The following MOSMO variants were observed in gnomAD, a reference collection of about 807,000 sequenced individuals.
The protein encoded by MOSMO is modulator of smoothened.
A neutral mutation model predicts 18.4 loss-of-function variants in MOSMO; 5 were observed. The observed-to-expected ratio is 0.27, with a 90% CI of 0.14 to 0.57. The LOEUF (loss-of-function observed/expected upper bound fraction) is 0.57, where lower values mean the gene tolerates loss of function less well. Ranked by LOEUF, MOSMO falls within the 20% of genes least tolerant of loss-of-function variation. MOSMO has a pLI of 0.92. For missense variants in MOSMO, 138 were observed against 211.8 expected (o/e 0.65, Z 2.16); for synonymous variants, 82 against 82.3 (o/e 1.00, Z 0.02).
At chr16:22,049,946 C>CATT (rs1369067640) in intron 1 of MOSMO, among the ~76,000 whole-genome samples, 2 of 152,142 alleles carry the variant, frequency 1.3e-5, no homozygotes, top group African/African-American at 4.8e-5. Flanking sequence ...ATTCCTGCAC[C>CATT]ATTACTACAC....
chr16:22,058,722 A>T (rs1900586673), intron 1 of MOSMO, among the ~76,000 whole-genome samples: 1 of 152,160 alleles, frequency 6.6e-6, no homozygotes, highest in Non-Finnish European at 1.5e-5. Context: ...ATGGAGGATA[A>T]GTTCGTTTTC....
chr16:22,072,096 C>T (rs770687774), intron 1 of MOSMO, among the ~76,000 whole-genome samples: 5 of 152,052 alleles, frequency 3.3e-5, no homozygotes, highest in Non-Finnish European at 5.9e-5. Flanking sequence ...AAAGTAAGTG[C>T]ATGGTTGTAT....
At chr16:22,016,394 T>A (rs1377948048) in intron 1 of MOSMO, among the ~76,000 whole-genome samples, 1 of 152,212 alleles carries the variant, frequency 6.6e-6, no homozygotes, top group Non-Finnish European at 1.5e-5. Context: ...GTTTCCCTTT[T>A]GTACTGTCTG....
chr16:22,049,691 C>T (rs1900384694), intron 1 of MOSMO, among the ~76,000 whole-genome samples: 1 of 151,908 alleles, frequency 6.6e-6, no homozygotes, highest in South Asian at 2.1e-4. Flanking sequence ...AAAAGTTTTC[C>T]CTATTCCTAA....
At chr16:22,014,551 G>C (rs1307804740) in intron 1 of MOSMO, among the ~76,000 whole-genome samples, 2 of 151,980 alleles carry the variant, frequency 1.3e-5, no homozygotes, top group Non-Finnish European at 2.9e-5. Flanking sequence ...ATCTCATAAG[G>C]GTTCAAGATC....
At chr16:22,092,619 C>T in the MOSMO span, 3 of 1,550,448 alleles carry the variant, frequency 1.9e-6, no homozygotes, top group Non-Finnish European at 2.6e-6. Context: ...GAGCCCTTCT[C>T]CCAAAGATGG....
At chr16:22,009,544 A>G (rs1417714754) in intron 1 of MOSMO, among the ~76,000 whole-genome samples, 1 of 152,074 alleles carries the variant, frequency 6.6e-6, no homozygotes, top group Non-Finnish European at 1.5e-5. Context: ...TAATTAATGT[A>G]AACAGCTGTC....
At chr16:22,085,245 G>C (rs1276552078), downstream of MOSMO, 1 of 152,160 alleles carries the variant, frequency 6.6e-6, no homozygotes, top group Non-Finnish European at 1.5e-5. Context: ...CTTTTGAGGA[G>C]CCTCCTGGGG....
intron 1 of MOSMO, among the ~76,000 whole-genome samples, chr16:22,021,027 C>T (rs776777066): frequency 1.3e-5 from 2 of 149,416 alleles, no homozygotes; most frequent in Non-Finnish European, 3.0e-5. Flanking sequence ...TGAGTGAATG[C>T]AAGTGCATAT....
intron 1 of MOSMO, among the ~76,000 whole-genome samples, chr16:22,060,239 A>C (rs1900615141): frequency 6.6e-6 from 1 of 152,222 alleles, no homozygotes; most frequent in South Asian, 2.1e-4. Context: ...GCCATTGCTA[A>C]GAAAATTTAA....
chr16:22,048,235 A>G (rs1293662790), intron 1 of MOSMO, among the ~76,000 whole-genome samples: 1 of 152,214 alleles, frequency 6.6e-6, no homozygotes, highest in Admixed American at 6.5e-5. Context: ...CTTTATCCGT[A>G]CATCTGTAAA....
chr16:22,065,937 C>T (rs901883773), intron 1 of MOSMO, among the ~76,000 whole-genome samples: 5 of 152,192 alleles, frequency 3.3e-5, no homozygotes, highest in African/African-American at 1.2e-4. Flanking sequence ...CTTTTCAGAA[C>T]TCTGGAAATT....
chr16:22,037,817 G>T (rs1900137220), intron 1 of MOSMO, among the ~76,000 whole-genome samples: 1 of 152,144 alleles, frequency 6.6e-6, no homozygotes, highest in Admixed American at 6.5e-5. Flanking sequence ...CCCTCTCCTG[G>T]CATACCACCC....
Position 22,075,727 on chromosome 16 carries a change from T to C in MOSMO, c.319+28T>C, listed in dbSNP as rs2141780572. On this transcript the variant is annotated intron_variant, in intron 2 of 2. Coordinates refer to ENST00000542527, the MANE Select transcript of MOSMO (RefSeq NM_001164579.2). Reference sequence around the variant, plus strand: ...AAGTAACCTGTGCTTACTAAATTTGTCTAGAAGGCACCCACCCACACTGGT... The same window carrying C: ...AAGTAACCTGTGCTTACTAAATTTGCCTAGAAGGCACCCACCCACACTGGT... 2.7e-6 allele frequency: 4 copies of C among 1,497,906 alleles called. No individual in the cohort carries two copies. In the East Asian group the frequency reaches 9.8e-5, roughly 37 times the overall value. The allele number at this position is 1,497,906 out of a possible 1,614,324, so 92.8% of individuals were successfully genotyped here.
rs1389333867 is a variant in MOSMO, at chr16:22,033,769, G to A, written c.106+25362G>A. Among the ~76,000 whole-genome samples, 15 of 151,860 alleles carry A rather than the reference G, an allele frequency of 9.9e-5. No individual in the cohort carries two copies. The South Asian group carries it at 1.2e-3, about 13-fold the overall frequency. On this transcript the variant is annotated intron_variant, in intron 1 of 2. Transcript: ENST00000542527. The stretch of plus-strand genomic sequence containing the variant: ...CAGGAGGCGGAGCTTGCAGTGAGCC[G>A]AGATGCACCACTGCAGTACAGCCTG...
rs1247285619 is a variant in MOSMO at position 22,008,208 on chromosome 16, G to T, written c.-94G>T. On this transcript the variant is annotated 5_prime_UTR_variant, in exon 1 of 3. Transcript: ENST00000542527. ...CCGAGGGGGCGCGAGGCAGCGGCGC[G>T]GGGACTCCGGGCCCCGGCGGCGGCC... 1.9e-6 allele frequency: 1 copy of T among 519,646 alleles called. No homozygotes were observed. The highest frequency in any genetic ancestry group is 2.8e-6 in the Non-Finnish European group (1 of 357,042). The allele number at this position is 519,646 out of a possible 1,614,324, so 32.2% of individuals were successfully genotyped here. A position where few individuals can be genotyped will look rare whatever the true frequency, so the allele number is the denominator to read the frequency against.
chr16:22,012,577 G>T (rs1454691725), intron 1 of MOSMO, among the ~76,000 whole-genome samples: 4 of 152,020 alleles, frequency 2.6e-5, no homozygotes, highest in Non-Finnish European at 5.9e-5. Context: ...TAGGAAATAA[G>T]GAAACATCAA....
At chr16:22,041,323 G>A (rs1004393166) in intron 1 of MOSMO, among the ~76,000 whole-genome samples, 5 of 152,134 alleles carry the variant, frequency 3.3e-5, no homozygotes, top group African/African-American at 1.2e-4. Context: ...TAGAGAGAGA[G>A]CAGAAAGATC....
chr16:22,073,763 G>GTGGTGTGTGGCA (rs1239170082), intron 1 of MOSMO, among the ~76,000 whole-genome samples: 1 of 151,424 alleles, frequency 6.6e-6, no homozygotes, highest in African/African-American at 2.4e-5. Context: ...CAAGTAGAAG[G>GTGGTGTGTGGCA]TGGTGTGTGG....
Sources: allele counts gnomAD v4.1 joint callset (sites outside exome capture counted in the v4.1 genomes callset), GRCh38; gene constraint gnomAD v4.1.1; transcripts MANE v1.5; gene names NCBI Gene and HGNC (gene_info 2026-07-23, HGNC 2026-07-21).